Variants in ACSL5 observed in about 807,000 individuals in gnomAD.
The protein encoded by ACSL5 is acyl-CoA synthetase long chain family member 5, also known as long-chain-fatty-acid--CoA ligase 5.
ACSL5 carries 50 observed loss-of-function variants against 84.9 expected under a neutral mutation model. That is an observed-to-expected ratio of 0.59 (90% confidence interval 0.47 to 0.75). ACSL5 has a LOEUF of 0.75. Ranked by LOEUF, ACSL5 falls within the 30% of genes least tolerant of loss-of-function variation. The pLI is 0.00. For missense variants in ACSL5, 775 were observed against 830.4 expected (o/e 0.93, Z 0.82); for synonymous variants, 280 against 300.7 (o/e 0.93, Z 0.71).
rs202003885 is a variant in ACSL5 at position 112,384,203 on chromosome 10, AC to A, written c.-30+9935del. Among the ~76,000 whole-genome samples, 192 of 152,142 alleles carry A rather than the reference AC, an allele frequency of 1.3e-3. 6 individuals are homozygous for A. In the East Asian group the frequency reaches 0.027, roughly 21 times the overall value. ...TCTGTCTCAGAAAAAAAAACAAAAA[AC>A]AAAAATCTCATCCCCCTGCTGTACC... On this transcript the variant is annotated intron_variant, in intron 1 of 20. Coordinates refer to ENST00000354655, the MANE Select transcript of ACSL5 (RefSeq NM_203379.2).
intron 12 of ACSL5, among the ~76,000 whole-genome samples, chr10:112,414,857 TC>T (rs1844278432): frequency 1.3e-5 from 2 of 152,154 alleles, no homozygotes; most frequent in South Asian, 4.1e-4. Context: ...ATGTGATGAT[TC>T]CTCGGGCTGG....
At chr10:112,421,866 A>T (rs1844473631) in intron 15 of ACSL5, 81 bp from the exon 16 acceptor site, 2 of 1,460,142 alleles carry the variant, frequency 1.4e-6, no homozygotes, top group Admixed American at 1.7e-5. Context: ...TTCTAGAGTC[A>T]ATTCATAAAT....
chr10:112,387,550 G>A (rs1297023141), intron 1 of ACSL5, among the ~76,000 whole-genome samples: 1 of 152,182 alleles, frequency 6.6e-6, no homozygotes, highest in Non-Finnish European at 1.5e-5. Flanking sequence ...GATTTTAGAA[G>A]CTGGGTTAGA....
intron 1 of ACSL5, among the ~76,000 whole-genome samples, chr10:112,391,655 G>A (rs1432251538): frequency 6.6e-6 from 1 of 152,202 alleles, no homozygotes; most frequent in Non-Finnish European, 1.5e-5. Context: ...CTGTCTCAAA[G>A]GAGTAGTCAA....
chr10:112,400,485 C>G (rs962507657), intron 3 of ACSL5, among the ~76,000 whole-genome samples: 3 of 144,456 alleles, frequency 2.1e-5, no homozygotes, highest in Non-Finnish European at 4.5e-5. Flanking sequence ...TCTTGGCTCA[C>G]GGCAACCTCT....
chr10:112,414,046 TA>T (rs1448521431), intron 12 of ACSL5, among the ~76,000 whole-genome samples: 1 of 152,068 alleles, frequency 6.6e-6, no homozygotes, highest in Admixed American at 6.6e-5. Context: ...TAATAAGGGG[TA>T]GGGCAGAATT....
intron 3 of ACSL5, among the ~76,000 whole-genome samples, chr10:112,401,492 T>A (rs1453551103): frequency 6.6e-6 from 1 of 152,240 alleles, no homozygotes; most frequent in African/African-American, 2.4e-5. Flanking sequence ...CAAGAATTTG[T>A]TAATGGATGG....
intron 1 of ACSL5, 88 bp from the exon 2 acceptor site, chr10:112,394,830 G>GTA: frequency 6.5e-7 from 1 of 1,549,582 alleles, no homozygotes; most frequent in Non-Finnish European, 8.7e-7. Context: ...GTATGTGTGT[G>GTA]TGTGTGTCCT....
chr10:112,383,276 G>T (rs1183266902), intron 1 of ACSL5, among the ~76,000 whole-genome samples: 1 of 152,190 alleles, frequency 6.6e-6, no homozygotes, highest in Non-Finnish European at 1.5e-5. Flanking sequence ...CTGCATTCCA[G>T]CCTGAGCAAC....
At chr10:112,390,934 T>A (rs1318985668) in intron 1 of ACSL5, among the ~76,000 whole-genome samples, 2 of 152,206 alleles carry the variant, frequency 1.3e-5, no homozygotes, top group Non-Finnish European at 2.9e-5. Context: ...GTTAATGGGT[T>A]CAGGGTTTCG....
chr10:112,417,757 G>A (rs991831661), intron 13 of ACSL5, 89 bp from the exon 14 acceptor site: 10 of 966,472 alleles, frequency 1.0e-5, no homozygotes, highest in South Asian at 2.6e-5. Flanking sequence ...TCATAACAAC[G>A]CTGCACAGGC....
chr10:112,376,223 G>A, intron 1 of ACSL5: 3 of 1,538,474 alleles, frequency 1.9e-6, no homozygotes, highest in Non-Finnish European at 2.6e-6. Context: ...AAGTCCCCGA[G>A]CACGTTAGAA....
chr10:112,411,763 G>T, intron 10 of ACSL5, 139 bp from the exon 11 acceptor site: 1 of 710,860 alleles, frequency 1.4e-6, no homozygotes, highest in Non-Finnish European at 2.2e-6. Context: ...GCAGTTCAAG[G>T]CATCTCAGAT....
intron 1 of ACSL5, among the ~76,000 whole-genome samples, chr10:112,383,432 T>C (rs1849389565): frequency 1.3e-5 from 2 of 152,258 alleles, no homozygotes; most frequent in African/African-American, 2.4e-5. Flanking sequence ...GGTCAGGATC[T>C]CAGGCCATCC....
rs1844354961 is a variant in ACSL5 at position 112,417,845 on chromosome 10, G to A, written c.1219-1G>A. ...GTATGTCTTTTGTTTCCACTGAACA[G>A]GACAGCCTGGGCGGAAGGGTTCGTG... On this transcript the variant is annotated splice_acceptor_variant, in intron 13 of 20. Coordinates refer to ENST00000354655, the MANE Select transcript of ACSL5 (RefSeq NM_203379.2). LOFTEE classifies it high-confidence loss of function. 6.2e-7 allele frequency: 1 copy of A among 1,613,980 alleles called. No homozygotes were observed. Among genetic ancestry groups the A allele is most frequent in the Non-Finnish European group, 8.5e-7 (1 of 1,179,884 alleles).
intron 1 of ACSL5, chr10:112,375,272 G>A (rs1564727316): frequency 6.6e-6 from 1 of 152,082 alleles, no homozygotes; most frequent in Non-Finnish European, 1.5e-5. Flanking sequence ...TGAGCCAGAG[G>A]ATGGAATGCC....
intron 5 of ACSL5, among the ~76,000 whole-genome samples, chr10:112,405,145 A>G (rs559574073): frequency 1.3e-5 from 2 of 152,334 alleles, no homozygotes; most frequent in East Asian, 1.9e-4. Flanking sequence ...ATGTATTAGT[A>G]TTAGAACTGA....
intron 14 of ACSL5, among the ~76,000 whole-genome samples, 164 bp downstream of exon 14, chr10:112,418,105 G>T (rs1844361093): frequency 6.6e-6 from 1 of 152,322 alleles, no homozygotes; most frequent in South Asian, 2.1e-4. Context: ...AGGCATCTGT[G>T]TGTAGAAACC....
At chr10:112,405,184 A>T (rs1844004329) in intron 5 of ACSL5, among the ~76,000 whole-genome samples, 1 of 152,196 alleles carries the variant, frequency 6.6e-6, no homozygotes, top group Non-Finnish European at 1.5e-5. Context: ...GAACTAGTAA[A>T]TTCAGCCATT....
Sources: allele counts gnomAD v4.1 joint callset (sites outside exome capture counted in the v4.1 genomes callset), GRCh38; gene constraint gnomAD v4.1.1; transcripts MANE v1.5; gene names NCBI Gene and HGNC (gene_info 2026-07-23, HGNC 2026-07-21).